PTPRN2: variants seen among roughly 807,000 people sequenced by gnomAD.
The protein encoded by PTPRN2 is receptor-type tyrosine-protein phosphatase N2.
PTPRN2 carries 74 observed loss-of-function variants against 118.8 expected under a neutral mutation model. That is an observed-to-expected ratio of 0.62 (90% CI 0.52 to 0.76). PTPRN2 has a LOEUF of 0.76. PTPRN2 is among the 30% of genes least tolerant of loss of function. The pLI is 0.00. For missense variants in PTPRN2, 1,481 were observed against 1,394.4 expected, an observed-to-expected ratio of 1.06 and a Z score of -0.99; for synonymous variants, 641 against 608.0, an observed-to-expected ratio of 1.05 and a Z score of -0.80.
At position 157,603,531 on chromosome 7, in the gene PTPRN2, A is replaced by C. The variant is rs114350598; in HGVS notation, c.2418+471T>G. On this transcript the variant is annotated intron_variant, in intron 16 of 22. Coordinates refer to ENST00000389418, the MANE Select transcript of PTPRN2 (RefSeq NM_002847.5). The surrounding 1 kb of genome is among the most constrained non-coding windows in gnomAD (Gnocchi z 5.4). ...CCAGCAAACGGTCTCTTTCATAAGA[A>C]ACAGGGTCCCATTCACTGGAAATAC... is the stretch of plus-strand genomic sequence containing the variant. 4.1e-4 allele frequency among the ~76,000 whole-genome samples: 62 copies of C among 152,346 alleles called. No individual in the cohort carries two copies. The highest frequency in any genetic ancestry group is 1.4e-3 in the African/African-American group (57 of 41,576).
intron 9 of PTPRN2, among the ~76,000 whole-genome samples, chr7:158,129,788 T>C (rs1585537566): frequency 6.6e-6 from 1 of 152,258 alleles, no homozygotes; most frequent in East Asian, 1.9e-4. Context: ...ACACATCACT[T>C]AGGGCCTGCC....
chr7:158,023,076 G>A (rs1807019256), intron 11 of PTPRN2, among the ~76,000 whole-genome samples: 1 of 152,174 alleles, frequency 6.6e-6, no homozygotes, highest in African/African-American at 2.4e-5. Context: ...AACGGTGGCT[G>A]TTTTCTTGTG....
chr7:158,048,672 A>G (rs970011954), intron 11 of PTPRN2, among the ~76,000 whole-genome samples: 3 of 150,738 alleles, frequency 2.0e-5, no homozygotes, highest in African/African-American at 7.3e-5. Flanking sequence ...CATCATTACC[A>G]TCACCACTGT....
At chr7:158,240,843 T>C (rs925379574) in intron 3 of PTPRN2, among the ~76,000 whole-genome samples, 17 of 152,374 alleles carry the variant, frequency 1.1e-4, no homozygotes, top group East Asian at 3.9e-4. Flanking sequence ...AAAAACATCA[T>C]TGAATAATTG....
intron 12 of PTPRN2, among the ~76,000 whole-genome samples, chr7:157,767,614 G>A (rs964658762): frequency 4.6e-5 from 7 of 152,210 alleles, no homozygotes; most frequent in South Asian, 4.1e-4. Flanking sequence ...CAGGGCGACC[G>A]CTCTTTCACT....
intron 12 of PTPRN2, among the ~76,000 whole-genome samples, chr7:157,872,560 G>A (rs1811175177): frequency 6.6e-6 from 1 of 152,236 alleles, no homozygotes; most frequent in Admixed American, 6.5e-5. Context: ...CCCACGCTAT[G>A]TCCTCACAGC....
intron 3 of PTPRN2, among the ~76,000 whole-genome samples, chr7:158,308,246 T>C (rs1801441974): frequency 6.6e-6 from 1 of 152,162 alleles, no homozygotes; most frequent in African/African-American, 2.4e-5. Context: ...GAATTCTATA[T>C]TCAGAAAATC....
intron 12 of PTPRN2, among the ~76,000 whole-genome samples, chr7:157,856,538 G>A (rs763415183): frequency 8.5e-5 from 13 of 152,238 alleles, no homozygotes; most frequent in Admixed American, 2.6e-4. Flanking sequence ...CCAGCAAGCC[G>A]TGTGTGGCAC....
intron 2 of PTPRN2, among the ~76,000 whole-genome samples, chr7:158,387,376 C>T (rs147621520): frequency 9.8e-5 from 15 of 152,354 alleles, no homozygotes; most frequent in South Asian, 8.3e-4. Flanking sequence ...GCCAGGACCA[C>T]GCTCACTGCC....
chr7:157,678,867 C>T (rs1487506633), intron 13 of PTPRN2, among the ~76,000 whole-genome samples: 2 of 152,056 alleles, frequency 1.3e-5, no homozygotes, highest in Non-Finnish European at 2.9e-5. Flanking sequence ...CAAAGATGAT[C>T]AAAGCCTCAA....
chr7:157,879,496 G>A (rs1795995436), intron 12 of PTPRN2, among the ~76,000 whole-genome samples: 1 of 152,196 alleles, frequency 6.6e-6, no homozygotes, highest in Admixed American at 6.5e-5. Context: ...TCCATGCAGA[G>A]TGTCTTCTGA....
intron 5 of PTPRN2, among the ~76,000 whole-genome samples, chr7:158,171,991 G>A (rs765624093): frequency 1.4e-4 from 22 of 152,176 alleles, no homozygotes; most frequent in Admixed American, 7.9e-4. Flanking sequence ...GAGCATCTCT[G>A]GGGTAGCCCA....
Position 157,671,510 on chromosome 7 carries a change from G to C in PTPRN2, c.2001+11215C>G, listed in dbSNP as rs1796411322. The stretch of plus-strand genomic sequence containing the variant: ...GCTGGACAGATGGGAGGGTCTGCAG[G>C]GATAAAGTGGGAGGGGGGGCGGTGC... On this transcript the variant is annotated intron_variant, in intron 13 of 22. Transcript: ENST00000389418. The surrounding 1 kb of genome is among the most constrained non-coding windows in gnomAD (Gnocchi z 4.1). Among the ~76,000 whole-genome samples, 1 of 148,862 alleles carries C rather than the reference G, an allele frequency of 6.7e-6. No homozygotes were observed. The highest frequency in any genetic ancestry group is 6.6e-5 in the Admixed American group (1 of 15,110).
At chr7:158,518,910 G>A (rs1039220739) in intron 1 of PTPRN2, among the ~76,000 whole-genome samples, 7 of 152,148 alleles carry the variant, frequency 4.6e-5, no homozygotes, top group Non-Finnish European at 1.0e-4. Flanking sequence ...ACTTGAATCT[G>A]GGAGGTGGAG....
intron 8 of PTPRN2, among the ~76,000 whole-genome samples, chr7:158,135,106 G>A (rs1163311470): frequency 6.6e-6 from 1 of 152,140 alleles, no homozygotes; most frequent in Non-Finnish European, 1.5e-5. Context: ...AAAGTCTTAT[G>A]TCTACTTGGC....
intron 12 of PTPRN2, among the ~76,000 whole-genome samples, chr7:157,768,581 C>T (rs528201760): frequency 6.6e-5 from 10 of 152,270 alleles, no homozygotes; most frequent in South Asian, 6.2e-4. Flanking sequence ...GGGGCTGCGA[C>T]GCCCCAGCCC....
At chr7:158,311,649 G>A (rs539163525) in intron 3 of PTPRN2, among the ~76,000 whole-genome samples, 22 of 152,328 alleles carry the variant, frequency 1.4e-4, no homozygotes, top group African/African-American at 4.1e-4. Context: ...TCTGAAGGCC[G>A]CGCAAGCAGC....
intron 12 of PTPRN2, among the ~76,000 whole-genome samples, chr7:157,871,330 G>A (rs1811032838): frequency 6.6e-6 from 1 of 152,200 alleles, no homozygotes; most frequent in Non-Finnish European, 1.5e-5. Context: ...TACAAGCCCT[G>A]CAGGTGATTC....
chr7:158,116,708 G>T (rs906660328), intron 9 of PTPRN2, among the ~76,000 whole-genome samples: 1 of 152,056 alleles, frequency 6.6e-6, no homozygotes, highest in African/African-American at 2.4e-5. Context: ...TGACTTACAG[G>T]GGATTTAAAA....
Sources: allele counts gnomAD v4.1 joint callset (sites outside exome capture counted in the v4.1 genomes callset), GRCh38; gene constraint gnomAD v4.1.1; non-coding constraint Gnocchi (gnomAD v3.1); transcripts MANE v1.5; gene names NCBI Gene and HGNC (gene_info 2026-07-23, HGNC 2026-07-21).